SPOCK3: variants seen among roughly 807,000 people sequenced by gnomAD.
SPOCK3 encodes testican-3.
A neutral mutation model predicts 56.6 loss-of-function variants in SPOCK3; 30 were observed. The observed-to-expected ratio is 0.53, with a 90% CI of 0.40 to 0.72. The LOEUF is 0.72. SPOCK3 is among the 30% of genes least tolerant of loss of function. The probability of loss-of-function intolerance (pLI) is 0.00; values close to 1 mark genes in which losing one functional copy is unlikely to be tolerated. For missense variants in SPOCK3, 527 were observed against 530.0 expected, an observed-to-expected ratio of 0.99 and a Z score of 0.06; for synonymous variants, 196 against 183.3, an observed-to-expected ratio of 1.07 and a Z score of -0.56.
intron 6 of SPOCK3, among the ~76,000 whole-genome samples, chr4:166,873,322 G>T (rs535966735): frequency 2.0e-3 from 310 of 152,040 alleles, no homozygotes; most frequent in Non-Finnish European, 3.7e-3. Flanking sequence ...CACAATGACT[G>T]ATACTTGTCA....
intron 2 of SPOCK3, among the ~76,000 whole-genome samples, chr4:167,098,809 C>T (rs544346262): frequency 1.3e-5 from 2 of 152,108 alleles, no homozygotes; most frequent in African/African-American, 4.8e-5. Context: ...ACTATCTAAC[C>T]TTTGATAAGC....
intron 2 of SPOCK3, among the ~76,000 whole-genome samples, chr4:167,195,012 A>G (rs768658699): frequency 6.6e-6 from 1 of 152,160 alleles, no homozygotes; most frequent in Admixed American, 6.5e-5. Flanking sequence ...CAGAGCTGAT[A>G]CTGAGGTCTG....
At chr4:166,878,803 T>C (rs1733388646) in intron 6 of SPOCK3, among the ~76,000 whole-genome samples, 2 of 152,182 alleles carry the variant, frequency 1.3e-5, no homozygotes, top group Non-Finnish European at 2.9e-5. Flanking sequence ...TTGGTGCTTA[T>C]TAGTTGTGTG....
intron 2 of SPOCK3, among the ~76,000 whole-genome samples, chr4:167,063,497 A>C (rs897801081): frequency 1.3e-5 from 2 of 151,870 alleles, no homozygotes; most frequent in Non-Finnish European, 2.9e-5. Flanking sequence ...AAGCTACAGA[A>C]GTTACAGAAT....
intron 2 of SPOCK3, among the ~76,000 whole-genome samples, chr4:167,101,456 C>A (rs1456664060): frequency 6.6e-6 from 1 of 152,080 alleles, no homozygotes; most frequent in Non-Finnish European, 1.5e-5. Flanking sequence ...CCTGGCCTCT[C>A]AGCTGCTTGT....
At chr4:167,129,681 T>C (rs1244426495) in intron 2 of SPOCK3, among the ~76,000 whole-genome samples, 1 of 152,214 alleles carries the variant, frequency 6.6e-6, no homozygotes, top group Non-Finnish European at 1.5e-5. Context: ...ATAAAACATG[T>C]AGTCAGCAAA....
At chr4:166,951,068 C>A (rs1742549074) in intron 4 of SPOCK3, among the ~76,000 whole-genome samples, 1 of 140,136 alleles carries the variant, frequency 7.1e-6, no homozygotes, top group African/African-American at 3.0e-5. Flanking sequence ...TAGCAGAAGA[C>A]AAGAAATAAC....
Position 167,198,190 on chromosome 4 carries a change from G to A in SPOCK3, c.189+35795C>T, listed in dbSNP as rs560100738. ...AATAAGAATGTCAAAATGGAGCTAC[G>A]ATGAATGAGATCCATTTGGTGTTAT... On this transcript the variant is annotated intron_variant, in intron 2 of 10. Coordinates refer to ENST00000357545, the MANE Select transcript of SPOCK3 (RefSeq NM_001040159.2). Among the ~76,000 whole-genome samples the A allele has an allele frequency of 5.3e-5, 8 of 152,206 alleles. No homozygotes were observed. In the East Asian group the frequency reaches 5.8e-4, roughly 11 times the overall value.
At chr4:166,934,069 T>G (rs1196701959) in intron 4 of SPOCK3, among the ~76,000 whole-genome samples, 1 of 152,058 alleles carries the variant, frequency 6.6e-6, no homozygotes, top group Admixed American at 6.5e-5. Flanking sequence ...TCTTCATAAT[T>G]CTTAATAATG....
intron 2 of SPOCK3, among the ~76,000 whole-genome samples, chr4:167,104,844 G>GAAAAAAA (rs533487671): frequency 7.9e-6 from 1 of 126,538 alleles, no homozygotes; most frequent in African/African-American, 2.9e-5. Context: ...CAAGCAAAAA[G>GAAAAAAA]AAAAAAAAAA....
intron 4 of SPOCK3, among the ~76,000 whole-genome samples, chr4:166,949,190 C>G (rs1742175355): frequency 6.6e-6 from 1 of 152,216 alleles, no homozygotes; most frequent in Admixed American, 6.5e-5. Flanking sequence ...GCTTTCAGCT[C>G]CATCAGCTCC....
chr4:167,063,787 T>C (rs1335523324), intron 2 of SPOCK3, among the ~76,000 whole-genome samples: 1 of 151,932 alleles, frequency 6.6e-6, no homozygotes, highest in African/African-American at 2.4e-5. Flanking sequence ...TGACTTTCTC[T>C]TTCTGAGTTG....
chr4:167,127,770 G>A (rs1453704655), intron 2 of SPOCK3, among the ~76,000 whole-genome samples: 3 of 152,148 alleles, frequency 2.0e-5, no homozygotes, highest in Non-Finnish European at 2.9e-5. Flanking sequence ...ATTTATAGAA[G>A]TGGACAAAAA....
At chr4:166,843,341 T>G (rs1747698038) in intron 6 of SPOCK3, among the ~76,000 whole-genome samples, 1 of 152,236 alleles carries the variant, frequency 6.6e-6, no homozygotes, top group African/African-American at 2.4e-5. Flanking sequence ...TTGTCCCCTC[T>G]CACCATGATT....
intron 7 of SPOCK3, among the ~76,000 whole-genome samples, chr4:166,785,732 C>T (rs1029845748): frequency 3.3e-5 from 5 of 152,044 alleles, no homozygotes; most frequent in African/African-American, 1.2e-4. Flanking sequence ...TTTCATTAAG[C>T]TTTTACCCTT....
At chr4:167,208,306 A>G (rs908473138) in intron 2 of SPOCK3, among the ~76,000 whole-genome samples, 3 of 152,184 alleles carry the variant, frequency 2.0e-5, no homozygotes, top group South Asian at 4.1e-4. Context: ...ATTTGTTTCA[A>G]TTATTTGTAG....
At chr4:166,999,610 AT>A (rs1325019801) in intron 4 of SPOCK3, among the ~76,000 whole-genome samples, 3 of 152,200 alleles carry the variant, frequency 2.0e-5, no homozygotes, top group African/African-American at 7.2e-5. Flanking sequence ...TTCTCAAAAA[AT>A]AACTTTAAAA....
At chr4:166,838,012 A>C (rs1249115999) in intron 6 of SPOCK3, among the ~76,000 whole-genome samples, 2 of 152,000 alleles carry the variant, frequency 1.3e-5, no homozygotes, top group Non-Finnish European at 2.9e-5. Flanking sequence ...TCTTGCCCTC[A>C]TCGTTTCTAA....
intron 4 of SPOCK3, among the ~76,000 whole-genome samples, chr4:166,952,456 A>G (rs1176396935): frequency 6.6e-6 from 1 of 152,228 alleles, no homozygotes; most frequent in East Asian, 1.9e-4. Context: ...ATGGAAGAAC[A>G]TTCCATGCTC....
Sources: gnomAD v4.1 joint callset for allele counts (sites outside exome capture counted in the v4.1 genomes callset) on GRCh38, gnomAD v4.1.1 for gene constraint, MANE v1.5 for transcripts, NCBI Gene and HGNC (gene_info 2026-07-23, HGNC 2026-07-21) for gene names.